Variants in RBCK1 observed in about 807,000 individuals in gnomAD.
The protein encoded by RBCK1 is ranBP-type and C3HC4-type zinc finger-containing protein 1.
RBCK1 carries 44 observed loss-of-function variants against 71.1 expected under a neutral mutation model. That is an observed-to-expected ratio of 0.62 (90% CI 0.49 to 0.80). RBCK1 has a LOEUF of 0.80. RBCK1 is among the 30% of genes least tolerant of loss of function. The probability of loss-of-function intolerance (pLI) is 0.00; values close to 1 mark genes in which losing one functional copy is unlikely to be tolerated. For missense variants in RBCK1, 569 were observed against 685.0 expected (o/e 0.83, Z 1.89); for synonymous variants, 306 against 279.7 (o/e 1.09, Z -0.94).
In RBCK1 at chr20:420,932, T is replaced by C; in HGVS notation, c.818T>C (p.Leu273Pro). 1 of 1,554,886 alleles carries C rather than the reference T, an allele frequency of 6.4e-7. No individual in the cohort carries two copies. The highest frequency in any genetic ancestry group is 8.7e-7 in the Non-Finnish European group (1 of 1,151,108). ...CACGTCCAGCTGGACCAGAGGAGCC[T>C]GGTGCTGAACACGGAGCCCGCCGAG... ...LQHVQLDQRS[L>P]VLNTEPAECP... The change falls in exon 7 of 12, where the codon CTG becomes CCG. Residue 273 changes from leucine to proline, a missense_variant. Around this residue, in one of 2 missense-constraint regions of RBCK1, gnomAD observed 358 missense variants for 375.6 expected, o/e 0.95. Coordinates refer to ENST00000356286, the MANE Select transcript of RBCK1 (RefSeq NM_031229.4).
chr20:427,859 G>A (rs944945906), intron 9 of RBCK1, among the ~76,000 whole-genome samples: 1 of 152,068 alleles, frequency 6.6e-6, no homozygotes, highest in African/African-American at 2.4e-5. Context: ...GTCACTTAAG[G>A]TGGTCCCATA....
intron 11 of RBCK1, among the ~76,000 whole-genome samples, chr20:429,938 A>G (rs1258810285): frequency 6.6e-6 from 1 of 152,204 alleles, no homozygotes; most frequent in Non-Finnish European, 1.5e-5. Context: ...AATCAAGTGG[A>G]AAAATTGCAA....
chr20:408,599 G>C lies in RBCK1; in HGVS notation c.-159G>C. ...CCGGGCAGTGTGATGCTTCCCGACTGCCGCGGGGACAGCGAGGCACACACA... is the reference window on the plus strand; with the variant it reads ...CCGGGCAGTGTGATGCTTCCCGACTCCCGCGGGGACAGCGAGGCACACACA... On this transcript the variant is annotated 5_prime_UTR_variant, in exon 1 of 12. Coordinates refer to ENST00000356286, the MANE Select transcript of RBCK1 (RefSeq NM_031229.4). 1.1e-6 allele frequency: 1 copy of C among 888,404 alleles called. No individual in the cohort carries two copies. The highest frequency in any genetic ancestry group is 2.1e-5 in the Admixed American group (1 of 48,534). The allele number at this position is 888,404 out of a possible 1,614,324, so 55.0% of individuals were successfully genotyped here.
Position 408,459 on chromosome 20 carries a change from T to C in RBCK1, c.-299T>C, listed in dbSNP as rs1568546235. On this transcript the variant is annotated 5_prime_UTR_variant, in exon 1 of 12. Coordinates refer to ENST00000356286, the MANE Select transcript of RBCK1 (RefSeq NM_031229.4). Reference sequence around the variant, plus strand: ...GCCCCGGCTGGGTGGTGTCCGGGCGTCCTTTCCCCGCTTCTTCCCACCTCG... The same window carrying C: ...GCCCCGGCTGGGTGGTGTCCGGGCGCCCTTTCCCCGCTTCTTCCCACCTCG... The C allele has an allele frequency of 3.8e-6, 2 of 521,546 alleles. No individual in the cohort carries two copies. Among genetic ancestry groups the C allele is most frequent in the Non-Finnish European group, 6.8e-6 (2 of 294,980 alleles). The allele number at this position is 521,546 out of a possible 1,614,324, so 32.3% of individuals were successfully genotyped here. A position where few individuals can be genotyped will look rare whatever the true frequency, so the allele number is the denominator to read the frequency against.
intron 7 of RBCK1, 105 bp downstream of exon 7, chr20:421,136 C>G (rs1342290823): frequency 4.5e-6 from 6 of 1,341,304 alleles, no homozygotes; most frequent in Non-Finnish European, 5.9e-6. Context: ...TCATTGGACG[C>G]CCGCGAAAAC....
At position 422,021 on chromosome 20, in the gene RBCK1, G is replaced by A. The variant is rs1310000467; in HGVS notation, c.918-106G>A. ...AGATATTGAGGAGAAGTCCACCTGGGGTGACTGAGTGAGGCCCCTGGGGTC... is the reference window on the plus strand; with the variant it reads ...AGATATTGAGGAGAAGTCCACCTGGAGTGACTGAGTGAGGCCCCTGGGGTC... On this transcript the variant is annotated intron_variant, in intron 7 of 11. Transcript: ENST00000356286. The surrounding 1 kb of genome is among the most constrained non-coding windows in gnomAD (Gnocchi z 5.0). The A allele has an allele frequency of 1.3e-6, 1 of 784,016 alleles. No individual in the cohort carries two copies. The highest frequency in any genetic ancestry group is 2.1e-6 in the Non-Finnish European group (1 of 475,908). The allele number at this position is 784,016 out of a possible 1,614,324, so 48.6% of individuals were successfully genotyped here.
At position 408,787 on chromosome 20, in the gene RBCK1, C is replaced by T. The variant is rs1197367935; in HGVS notation, c.22+8C>T. ...ACGAGAAGACCAAGAAAGGTGGGCA[C>T]AGGCTGGAGGTGGCTGGGGAACTTC... On this transcript the variant is annotated splice_region_variant and intron_variant, in intron 1 of 11. Transcript: ENST00000356286. The T allele has an allele frequency of 6.2e-7, 1 of 1,610,276 alleles. No individual in the cohort carries two copies. Among genetic ancestry groups the T allele is most frequent in the Admixed American group, 1.7e-5 (1 of 59,546 alleles).
rs1485258781 is a variant in RBCK1 at position 430,346 on chromosome 20, C to T, written c.1453-4C>T. ...CATTCTCTTCTCTTCCTCCCATCCT[C>T]TAGGGCCCAGGAGACACCAGCGGGG... On this transcript the variant is annotated splice_polypyrimidine_tract_variant and splice_region_variant and intron_variant, in intron 11 of 11. Coordinates refer to ENST00000356286, the MANE Select transcript of RBCK1 (RefSeq NM_031229.4). The surrounding 1 kb of genome is among the most constrained non-coding windows in gnomAD (Gnocchi z 5.6). The T allele has an allele frequency of 6.2e-7, 1 of 1,605,894 alleles. No homozygotes were observed. Among genetic ancestry groups the T allele is most frequent in the Non-Finnish European group, 8.5e-7 (1 of 1,172,744 alleles).
Position 428,020 on chromosome 20 carries a change from C to T in RBCK1, c.1210-471C>T, listed in dbSNP as rs962551577. Reference sequence around the variant, plus strand: ...CTAGACAGCCCTACCTGATCCTTCCCCCAGGCCTGTCCCCGCCGCTTCATC... The same window carrying T: ...CTAGACAGCCCTACCTGATCCTTCCTCCAGGCCTGTCCCCGCCGCTTCATC... On this transcript the variant is annotated intron_variant, in intron 9 of 11. Coordinates refer to ENST00000356286, the MANE Select transcript of RBCK1 (RefSeq NM_031229.4). This position sits in a 1 kb window ranked among gnomAD's most constrained non-coding sequence, Gnocchi z 5.7. Among the ~76,000 whole-genome samples the T allele has an allele frequency of 6.6e-6, 1 of 152,178 alleles. No individual in the cohort carries two copies. The highest frequency in any genetic ancestry group is 1.5e-5 in the Non-Finnish European group (1 of 68,026).
Position 408,623 on chromosome 20 carries a change from C to T in RBCK1, c.-135C>T, listed in dbSNP as rs903708914. The T allele has an allele frequency of 2.1e-5, 24 of 1,149,804 alleles. No individual in the cohort carries two copies. In the African/African-American group the frequency reaches 3.2e-4, roughly 15 times the overall value. 71.2% of individuals were successfully genotyped at this position (1,149,804 alleles called of 1,614,324 possible). On this transcript the variant is annotated 5_prime_UTR_variant, in exon 1 of 12. Coordinates refer to ENST00000356286, the MANE Select transcript of RBCK1 (RefSeq NM_031229.4). ...TGCCGCGGGGACAGCGAGGCACACA[C>T]AGGGCTTGGGCCGCGCCGGAGGCCA... is the stretch of plus-strand genomic sequence containing the variant.
In RBCK1 at chr20:428,704, T is replaced by G; in HGVS notation, c.1308+115T>G. The G allele has an allele frequency of 1.5e-6, 2 of 1,357,150 alleles. No individual in the cohort carries two copies. The highest frequency in any genetic ancestry group is 2.0e-6 in the Non-Finnish European group (2 of 1,015,526). The allele number at this position is 1,357,150 out of a possible 1,614,324, so 84.1% of individuals were successfully genotyped here. A position where few individuals can be genotyped will look rare whatever the true frequency, so the allele number is the denominator to read the frequency against. On this transcript the variant is annotated intron_variant, in intron 10 of 11. Coordinates refer to ENST00000356286, the MANE Select transcript of RBCK1 (RefSeq NM_031229.4). The surrounding 1 kb of genome is among the most constrained non-coding windows in gnomAD (Gnocchi z 5.7). ...ACATCCCTGGAGGCTCTGACCTCCC[T>G]TCTGGCTGTCACTCCCATCCGGAGG...
chr20:427,231 C>A, intron 8 of RBCK1, 82 bp from the exon 9 acceptor site: 1 of 1,409,444 alleles, frequency 7.1e-7, no homozygotes, highest in Non-Finnish European at 9.7e-7. Context: ...GGGCTGGGGG[C>A]TTTCTGGAGG....
In RBCK1 at chr20:428,570, AGAC is replaced by A; in HGVS notation, c.1293_1295del (p.Thr432del). On this transcript the variant is annotated inframe_deletion, in exon 10 of 12. Coordinates refer to ENST00000356286, the MANE Select transcript of RBCK1 (RefSeq NM_031229.4). This position sits in a 1 kb window ranked among gnomAD's most constrained non-coding sequence, Gnocchi z 5.7. The stretch of plus-strand genomic sequence containing the variant: ...GCTCAGAACGATGTGGCTGCCCGGC[AGAC>A]GACAGAGATGCTGAAGGTGAGGCTG... 1 of 1,611,622 alleles carries A rather than the reference AGAC, an allele frequency of 6.2e-7. No homozygotes were observed. The highest frequency in any genetic ancestry group is 8.5e-7 in the Non-Finnish European group (1 of 1,179,140).
Position 428,545 on chromosome 20 carries a change from G to A in RBCK1, c.1264G>A (p.Ala422Thr), listed in dbSNP as rs776994199. ...GTATCAGGAGGACCTGGCCCTGCGG[G>A]CTCAGAACGATGTGGCTGCCCGGCA... ...KEYQEDLALR[A>T]QNDVAARQTT... Residue 422 changes from alanine to threonine, a missense_variant, in exon 10 of 12, where the codon GCT (alanine) becomes ACT (threonine). Coordinates refer to ENST00000356286, the MANE Select transcript of RBCK1 (RefSeq NM_031229.4). The surrounding 1 kb of genome is among the most constrained non-coding windows in gnomAD (Gnocchi z 5.7). 2 of 1,612,714 alleles carry A rather than the reference G, an allele frequency of 1.2e-6. No homozygotes were observed. The highest frequency in any genetic ancestry group is 1.7e-6 in the Non-Finnish European group (2 of 1,179,582).
At chr20:429,396 T>A (rs2122342034) in intron 11 of RBCK1, among the ~76,000 whole-genome samples, 1 of 152,190 alleles carries the variant, frequency 6.6e-6, no homozygotes, top group South Asian at 2.1e-4. Flanking sequence ...CCGGCTAGTT[T>A]TGTATTTTTA....
chr20:409,813 T>A, intron 1 of RBCK1, 68 bp from the exon 2 acceptor site: 1 of 1,562,220 alleles, frequency 6.4e-7, no homozygotes, highest in Non-Finnish European at 8.7e-7. Context: ...CCTCCTTTCC[T>A]ACCCCATTAC....
chr20:420,457 T>A, intron 6 of RBCK1: 1 of 946,662 alleles, frequency 1.1e-6, no homozygotes, highest in Non-Finnish European at 1.2e-6. Flanking sequence ...TCCCCACCCC[T>A]GACGTTGAGT....
chr20:417,395 T>TTGTGTGTGTGTGTGTGTG lies in RBCK1; in HGVS notation c.168-120_168-103dup. On this transcript the variant is annotated intron_variant, in intron 2 of 11. Transcript: ENST00000356286. This position sits in a 1 kb window ranked among gnomAD's most constrained non-coding sequence, Gnocchi z 4.7. ...GGTGGGGCCTACCCCAGACTGGGGT[T>TTGTGTGTGTGTGTGTGTG]TGTGTGTGTGTGTGTGTGTGTGTGT... 2.6e-6 allele frequency: 2 copies of TTGTGTGTGTGTGTGTGTG among 765,776 alleles called. No individual in the cohort carries two copies. Among genetic ancestry groups the TTGTGTGTGTGTGTGTGTG allele is most frequent in the African/African-American group, 3.5e-5 (2 of 57,358 alleles). 47.4% of individuals were successfully genotyped at this position (765,776 alleles called of 1,614,324 possible). A position where few individuals can be genotyped will look rare whatever the true frequency, so the allele number is the denominator to read the frequency against.
At chr20:409,533 G>A (rs2015571467) in intron 1 of RBCK1, among the ~76,000 whole-genome samples, 1 of 152,028 alleles carries the variant, frequency 6.6e-6, no homozygotes, top group Non-Finnish European at 1.5e-5. Flanking sequence ...CATAAGGAGA[G>A]GGGCCCTGTT....
Sources: allele counts gnomAD v4.1 joint callset (sites outside exome capture counted in the v4.1 genomes callset), GRCh38; gene constraint gnomAD v4.1.1; regional missense constraint gnomAD v4.1.1; non-coding constraint Gnocchi (gnomAD v3.1); transcripts MANE v1.5; gene names NCBI Gene and HGNC (gene_info 2026-07-23, HGNC 2026-07-21).